Variants in TRMT11 observed in about 807,000 individuals in gnomAD.
The protein encoded by TRMT11 is tRNA methyltransferase 11, also known as tRNA (guanine(10)-N(2))-methyltransferase TRMT11.
TRMT11 carries 53 observed loss-of-function variants against 62.8 expected under a neutral mutation model. That is an observed-to-expected ratio of 0.84 (90% confidence interval 0.68 to 1.06). The LOEUF is 1.06. TRMT11 is among the 50% of genes least tolerant of loss of function. The probability of loss-of-function intolerance (pLI) is 0.00; values close to 1 mark genes in which losing one functional copy is unlikely to be tolerated. For synonymous variants in TRMT11, 188 were observed against 190.3 expected (o/e 0.99, Z 0.10); for missense variants, 556 against 553.4 (o/e 1.00, Z -0.05).
intron 17 of TRMT11, among the ~76,000 whole-genome samples, chr6:126,099,753 CAAAA>C (rs1357435266): frequency 6.6e-6 from 1 of 152,016 alleles, no homozygotes; most frequent in South Asian, 2.1e-4. Context: ...TCTCAAAAAA[CAAAA>C]CAAACAAACA....
At chr6:126,145,233 A>G (rs1241337225) in intron 21 of TRMT11, among the ~76,000 whole-genome samples, 1 of 152,212 alleles carries the variant, frequency 6.6e-6, no homozygotes, top group Non-Finnish European at 1.5e-5. Flanking sequence ...CTACACTTAC[A>G]TTAAGTGTGA....
chr6:126,259,664 G>A, the TRMT11 span, among the ~76,000 whole-genome samples: 2 of 152,188 alleles, frequency 1.3e-5, no homozygotes, highest in South Asian at 4.1e-4. Flanking sequence ...GTTGAAAGTG[G>A]GCTGTTGAAG....
intron 17 of TRMT11, among the ~76,000 whole-genome samples, chr6:126,102,816 T>C (rs1169767661): frequency 6.6e-6 from 1 of 152,220 alleles, no homozygotes; most frequent in Non-Finnish European, 1.5e-5. Context: ...CTTACTGTGC[T>C]AAGCACTTTA....
intron 1 of TRMT11, among the ~76,000 whole-genome samples, chr6:126,180,973 T>A (rs1041212772): frequency 2.6e-5 from 4 of 152,236 alleles, no homozygotes; most frequent in Non-Finnish European, 5.9e-5. Context: ...TTATGTTTTA[T>A]ATTTACGTAA....
chr6:126,267,162 G>A, the TRMT11 span, among the ~76,000 whole-genome samples: 14 of 152,166 alleles, frequency 9.2e-5, no homozygotes, highest in African/African-American at 2.4e-5. Context: ...GTGAGCTTGG[G>A]TAAGTCACTT....
At chr6:126,057,147 C>T (rs1776396357) in intron 17 of TRMT11, among the ~76,000 whole-genome samples, 1 of 152,196 alleles carries the variant, frequency 6.6e-6, no homozygotes, top group African/African-American at 2.4e-5. Flanking sequence ...TGCAAAGCAG[C>T]CTGAGCAAAG....
intron 6 of TRMT11, among the ~76,000 whole-genome samples, chr6:125,998,949 GTTTT>G (rs200462747): frequency 3.8e-4 from 52 of 138,626 alleles, no homozygotes; most frequent in African/African-American, 1.3e-3. Context: ...CATCTGGACT[GTTTT>G]TTTTTTTTTT....
Position 125,997,993 on chromosome 6 carries a change from A to T in TRMT11, c.213-60A>T, listed in dbSNP as rs1791848357. ...CATAAAGAACTAGTAAAATGACTGT[A>T]TGTATTCCTGTGTGAACTAAGTTCT... is the stretch of plus-strand genomic sequence containing the variant. On this transcript the variant is annotated intron_variant, in intron 3 of 12. Coordinates refer to ENST00000334379, the MANE Select transcript of TRMT11 (RefSeq NM_001031712.3). 8 of 1,153,374 alleles carry T rather than the reference A, an allele frequency of 6.9e-6. No homozygotes were observed. The South Asian group carries it at 7.4e-5, about 11-fold the overall frequency. 71.4% of individuals were successfully genotyped at this position (1,153,374 alleles called of 1,614,324 possible).
At chr6:126,201,581 T>C (rs1384953589) in intron 3 of TRMT11, among the ~76,000 whole-genome samples, 4 of 152,194 alleles carry the variant, frequency 2.6e-5, no homozygotes, top group Admixed American at 2.6e-4. Flanking sequence ...TTTGTGCAAA[T>C]GATATTTCAC....
the TRMT11 span, among the ~76,000 whole-genome samples, chr6:126,212,257 A>C: frequency 4.6e-5 from 7 of 152,174 alleles, no homozygotes; most frequent in African/African-American, 1.7e-4. Flanking sequence ...TCTTTGATAT[A>C]CTGATTTCCT....
intron 11 of TRMT11, among the ~76,000 whole-genome samples, chr6:126,013,464 T>G (rs1041726169): frequency 2.2e-4 from 33 of 152,270 alleles, no homozygotes; most frequent in African/African-American, 7.7e-4. Context: ...TCTCACTATG[T>G]TGCCCAGGTT....
At chr6:126,192,177 A>C (rs534512537) in intron 1 of TRMT11, among the ~76,000 whole-genome samples, 4 of 152,108 alleles carry the variant, frequency 2.6e-5, no homozygotes, top group Non-Finnish European at 5.9e-5. Flanking sequence ...GGTTAAATGT[A>C]TTCCTAGGCA....
intron 21 of TRMT11, among the ~76,000 whole-genome samples, chr6:126,161,244 C>A (rs544214983): frequency 2.0e-5 from 3 of 152,110 alleles, no homozygotes; most frequent in East Asian, 3.9e-4. Context: ...CCCCAACCCC[C>A]CTACAGGCCC....
chr6:126,147,194 G>A (rs150720232), intron 21 of TRMT11, among the ~76,000 whole-genome samples: 1 of 152,280 alleles, frequency 6.6e-6, no homozygotes, highest in Non-Finnish European at 1.5e-5. Context: ...GTATGAGTAA[G>A]CATATAACAA....
chr6:126,005,576 C>G (rs1029456504), intron 7 of TRMT11, among the ~76,000 whole-genome samples: 2 of 151,748 alleles, frequency 1.3e-5, no homozygotes, highest in Non-Finnish European at 2.9e-5. Flanking sequence ...ATTTTAGATG[C>G]CTTTTTGGTG....
At chr6:126,225,289 G>C in the TRMT11 span, among the ~76,000 whole-genome samples, 3 of 152,082 alleles carry the variant, frequency 2.0e-5, no homozygotes, top group African/African-American at 7.2e-5. Context: ...GGCTTCTCCT[G>C]CAGCTAGGAT....
chr6:126,223,172 A>C, the TRMT11 span, among the ~76,000 whole-genome samples: 1 of 152,206 alleles, frequency 6.6e-6, no homozygotes, highest in Non-Finnish European at 1.5e-5. Context: ...CTGTAATCCC[A>C]GCACTTTGGG....
At chr6:126,220,060 GA>G in the TRMT11 span, among the ~76,000 whole-genome samples, 1 of 152,300 alleles carries the variant, frequency 6.6e-6, no homozygotes, top group Admixed American at 6.5e-5. Flanking sequence ...ACTCAGGTTA[GA>G]TGTTTCATCT....
In TRMT11 at chr6:126,132,973, CAT is replaced by C. The variant is rs571220893; in HGVS notation, c.*1823+17121_*1823+17122del. On this transcript the variant is annotated intron_variant and NMD_transcript_variant, in intron 21 of 22. Transcript: ENST00000648977. Reference sequence around the variant, plus strand: ...TGTGTATTTAAAGGGACATTTAATCCATATGTTTTGGCTCATTTACACTTAAC... The same window carrying C: ...TGTGTATTTAAAGGGACATTTAATCCATGTTTTGGCTCATTTACACTTAAC... Among the ~76,000 whole-genome samples, 16 of 151,988 alleles carry C rather than the reference CAT, an allele frequency of 1.1e-4. No homozygotes were observed. The South Asian group carries it at 2.9e-3, about 28-fold the overall frequency.
Sources: allele counts gnomAD v4.1 joint callset (sites outside exome capture counted in the v4.1 genomes callset), GRCh38; gene constraint gnomAD v4.1.1; transcripts MANE v1.5; gene names NCBI Gene and HGNC (gene_info 2026-07-23, HGNC 2026-07-21).